C18orf54: variants seen among roughly 807,000 people sequenced by gnomAD.
The protein encoded by C18orf54 is chromosome 18 open reading frame 54.
C18orf54 carries 49 observed loss-of-function variants against 49.3 expected under a neutral mutation model. The observed-to-expected ratio is 0.99, with a 90% CI of 0.79 to 1.26. C18orf54 has a LOEUF of 1.26. C18orf54 is among the 50% of genes most tolerant of loss of function. The pLI is 0.00. For synonymous variants in C18orf54, 211 were observed against 216.6 expected, an observed-to-expected ratio of 0.97 and a Z score of 0.23; for missense variants, 687 against 620.6, an observed-to-expected ratio of 1.11 and a Z score of -1.14.
In C18orf54 at chr18:54,366,308, C is replaced by T. The variant is rs558421285; in HGVS notation, c.1326+487C>T. On this transcript the variant is annotated intron_variant, in intron 6 of 8. Coordinates refer to ENST00000620105, the MANE Select transcript of C18orf54 (RefSeq NM_001288980.2). ...CCTCCCTCCTACCTTTCCCAGTCTC[C>T]GGTAACCACTATTCTACTCTCTATT... is the stretch of plus-strand genomic sequence containing the variant. Among the ~76,000 whole-genome samples, 32 of 151,978 alleles carry T rather than the reference C, an allele frequency of 2.1e-4. No homozygotes were observed. In the South Asian group the frequency reaches 3.3e-3, roughly 16 times the overall value.
At chr18:54,374,115 G>A in intron 7 of C18orf54, 99 bp from the exon 8 acceptor site, 1 of 1,006,374 alleles carries the variant, frequency 9.9e-7, no homozygotes, top group Non-Finnish European at 1.4e-6. Context: ...TGGAAATGTA[G>A]AAAATATTTT....
chr18:54,380,491 T>C lies in C18orf54; in HGVS notation c.*2245T>C, dbSNP rs2089649166. 1 of 152,038 alleles carries C rather than the reference T, an allele frequency of 6.6e-6. No individual in the cohort carries two copies. The highest frequency in any genetic ancestry group is 1.5e-5 in the Non-Finnish European group (1 of 67,916). 9.4% of individuals were successfully genotyped at this position (152,038 alleles called of 1,614,324 possible). On this transcript the variant is annotated 3_prime_UTR_variant, in exon 9 of 9. Transcript: ENST00000620105. ...TATTTGAGATCAAGGGACAATGGTG[T>C]GACCAATATGAAGGGTCAAGACTGA...
intron 6 of C18orf54, among the ~76,000 whole-genome samples, chr18:54,368,090 G>A (rs550082605): frequency 7.9e-5 from 12 of 151,872 alleles, no homozygotes; most frequent in African/African-American, 2.9e-4. Flanking sequence ...TTGTTTTCCT[G>A]ATTTGGTCAA....
Position 54,372,675 on chromosome 18 carries a change from A to G in C18orf54, c.1458+78A>G, listed in dbSNP as rs560746020. The G allele has an allele frequency of 1.6e-5, 22 of 1,339,730 alleles. No individual in the cohort carries two copies. In the South Asian group the frequency reaches 3.2e-4, roughly 20 times the overall value. The allele number at this position is 1,339,730 out of a possible 1,614,324, so 83.0% of individuals were successfully genotyped here. A position where few individuals can be genotyped will look rare whatever the true frequency, so the allele number is the denominator to read the frequency against. ...TTTTTCTACATCTTTTAATAGACCT[A>G]CTTATAGTTTTATGTTAGTAAGCAT... is the stretch of plus-strand genomic sequence containing the variant. On this transcript the variant is annotated intron_variant, in intron 7 of 8. Transcript: ENST00000620105.
chr18:54,370,572 A>G (rs1053649628), intron 6 of C18orf54, among the ~76,000 whole-genome samples: 2 of 152,214 alleles, frequency 1.3e-5, no homozygotes, highest in Non-Finnish European at 2.9e-5. Context: ...AAATGTCACT[A>G]TGGTTCTAAG....
At chr18:54,370,607 C>T (rs1185927639) in intron 6 of C18orf54, among the ~76,000 whole-genome samples, 1 of 152,122 alleles carries the variant, frequency 6.6e-6, no homozygotes, top group Non-Finnish European at 1.5e-5. Flanking sequence ...AGAGATGTAC[C>T]CGGAGACATT....
intron 6 of C18orf54, among the ~76,000 whole-genome samples, chr18:54,367,479 G>T (rs991855511): frequency 1.5e-4 from 23 of 152,200 alleles, no homozygotes; most frequent in African/African-American, 4.3e-4. Flanking sequence ...ATTTCTGAAG[G>T]AAAGCTTTGC....
rs983051806 is a variant in C18orf54 at position 54,380,375 on chromosome 18, T to A, written c.*2129T>A. ...CTCTCTTTTAGACATATTGAGAAAA[T>A]GTTAAATAGAAAAAATTAAGAAATT... On this transcript the variant is annotated 3_prime_UTR_variant, in exon 9 of 9. Coordinates refer to ENST00000620105, the MANE Select transcript of C18orf54 (RefSeq NM_001288980.2). The A allele has an allele frequency of 2.0e-5, 3 of 151,870 alleles. No individual in the cohort carries two copies. Among genetic ancestry groups the A allele is most frequent in the Non-Finnish European group, 4.4e-5 (3 of 67,862 alleles). The allele number at this position is 151,870 out of a possible 1,614,324, so 9.4% of individuals were successfully genotyped here. A position where few individuals can be genotyped will look rare whatever the true frequency, so the allele number is the denominator to read the frequency against.
Position 54,372,468 on chromosome 18 carries a change from C to T in C18orf54, c.1329C>T (p.Ser443=), listed in dbSNP as rs371851488. Residue 443 remains serine, a splice_region_variant and synonymous_variant, in exon 7 of 9, where the codon AGC becomes AGT. Transcript: ENST00000620105. ...LEDFLNNDNQ[S]CTLSGGKHHG... ...ACTATCATCTGTTTTAACCTTAGAG[C>T]TGTACTCTCTCTGGAGGCAAACATC... 4.4e-6 allele frequency: 7 copies of T among 1,603,044 alleles called. No individual in the cohort carries two copies. The highest frequency in any genetic ancestry group is 6.0e-6 in the Non-Finnish European group (7 of 1,174,652).
Position 54,378,681 on chromosome 18 carries a change from T to C in C18orf54, c.*435T>C. On this transcript the variant is annotated 3_prime_UTR_variant, in exon 9 of 9. Coordinates refer to ENST00000620105, the MANE Select transcript of C18orf54 (RefSeq NM_001288980.2). ...TTTTTAAAGATATAGTTAGCATCAC[T>C]TTTAAACAGCTTAAAGGAATATCAA... 6.5e-6 allele frequency: 1 copy of C among 153,178 alleles called. No homozygotes were observed. The highest frequency in any genetic ancestry group is 1.5e-5 in the Non-Finnish European group (1 of 68,594). The allele number at this position is 153,178 out of a possible 1,614,324, so 9.5% of individuals were successfully genotyped here. A position where few individuals can be genotyped will look rare whatever the true frequency, so the allele number is the denominator to read the frequency against.
intron 6 of C18orf54, among the ~76,000 whole-genome samples, chr18:54,368,522 G>C (rs997017609): frequency 1.3e-5 from 2 of 151,892 alleles, no homozygotes; most frequent in Non-Finnish European, 2.9e-5. Flanking sequence ...TTATCTCAGA[G>C]GGCTCATTAT....
Position 54,360,768 on chromosome 18 carries a change from C to T in C18orf54, c.196C>T (p.Pro66Ser). ...IDDFDLGQIYPGASTGKINID... is the reference protein window; with the variant it reads ...IDDFDLGQIYSGASTGKINID... ...TGATTTTGATCTAGGCCAAATATAT[C>T]CTGGTGCAAGCACTGGAAAAATTAA... Residue 66 changes from proline to serine, a missense_variant, in exon 3 of 9, where the codon CCT becomes TCT. Pro to Ser is a moderately conservative substitution (Grantham distance 74, BLOSUM62 -1). Coordinates refer to ENST00000620105, the MANE Select transcript of C18orf54 (RefSeq NM_001288980.2). The T allele has an allele frequency of 3.1e-6, 5 of 1,613,586 alleles. No individual in the cohort carries two copies. In the South Asian group the frequency reaches 4.4e-5, roughly 14 times the overall value.
Position 54,380,355 on chromosome 18 carries a change from TTTTA to T in C18orf54, c.*2110_*2113del, listed in dbSNP as rs1331743532. 2.6e-5 allele frequency: 4 copies of T among 152,040 alleles called. No individual in the cohort carries two copies. The highest frequency in any genetic ancestry group is 6.5e-5 in the Admixed American group (1 of 15,272). 9.4% of individuals were successfully genotyped at this position (152,040 alleles called of 1,614,324 possible). A position where few individuals can be genotyped will look rare whatever the true frequency, so the allele number is the denominator to read the frequency against. On this transcript the variant is annotated 3_prime_UTR_variant, in exon 9 of 9. Transcript: ENST00000620105. ...AAATTTTTATCAATCCTTTGCTCTC[TTTTA>T]GACATATTGAGAAAATGTTAAATAG... is the stretch of plus-strand genomic sequence containing the variant.
chr18:54,372,443 A>C (rs750686713), intron 6 of C18orf54, 23 bp from the exon 7 acceptor site: 1 of 1,504,076 alleles, frequency 6.6e-7, no homozygotes, highest in Non-Finnish European at 8.9e-7. Flanking sequence ...TTAACTTTAT[A>C]CTATCATCTG....
intron 6 of C18orf54, among the ~76,000 whole-genome samples, chr18:54,366,755 C>T (rs752128202): frequency 4.0e-5 from 6 of 151,548 alleles, no homozygotes; most frequent in Admixed American, 2.0e-4. Context: ...TGTGTGGTGG[C>T]TTATACCTGT....
chr18:54,374,605 G>A (rs2089540156), intron 8 of C18orf54, among the ~76,000 whole-genome samples: 1 of 151,676 alleles, frequency 6.6e-6, no homozygotes, highest in Non-Finnish European at 1.5e-5. Flanking sequence ...TATGAAATGT[G>A]TTTTCATATA....
intron 8 of C18orf54, among the ~76,000 whole-genome samples, chr18:54,376,654 T>C (rs2089576307): frequency 6.6e-6 from 1 of 152,226 alleles, no homozygotes; most frequent in South Asian, 2.1e-4. Context: ...ATTTTAGTTA[T>C]TTTACCTCTG....
intron 6 of C18orf54, among the ~76,000 whole-genome samples, chr18:54,369,593 C>G (rs1348780774): frequency 1.3e-5 from 2 of 149,668 alleles, no homozygotes; most frequent in Non-Finnish European, 1.5e-5. Flanking sequence ...ATTAGCCTCC[C>G]AGGTAGCTGG....
chr18:54,372,922 A>G (rs12604412), intron 7 of C18orf54, among the ~76,000 whole-genome samples: 60,841 of 151,688 alleles, frequency 0.4, 13,802 homozygotes, highest in East Asian at 0.68. Flanking sequence ...TATGTGGCCC[A>G]TCTTCTGGTA....
Sources: gnomAD v4.1 joint callset for allele counts (sites outside exome capture counted in the v4.1 genomes callset) on GRCh38, gnomAD v4.1.1 for gene constraint, MANE v1.5 for transcripts, NCBI Gene and HGNC (gene_info 2026-07-23, HGNC 2026-07-21) for gene names.